Variants in MYO16 observed in about 807,000 individuals in gnomAD.
MYO16 encodes unconventional myosin-XVI.
Under a neutral mutation model 205.3 loss-of-function variants are expected in MYO16, and 94 were observed. The observed-to-expected ratio is 0.46, with a 90% CI of 0.39 to 0.54. MYO16 has a LOEUF of 0.54. MYO16 is among the 20% of genes least tolerant of loss of function. The pLI, the probability that MYO16 is intolerant of heterozygous loss-of-function variation, is 0.00. For synonymous variants in MYO16, 988 were observed against 954.0 expected (o/e 1.04, Z -0.66); for missense variants, 2,315 against 2,387.5 (o/e 0.97, Z 0.63).
intron 32 of MYO16, among the ~76,000 whole-genome samples, chr13:109,142,679 A>C (rs1490872990): frequency 6.6e-6 from 1 of 151,990 alleles, no homozygotes; most frequent in East Asian, 1.9e-4. Flanking sequence ...TTTTGCAACC[A>C]ATCAGATGTT....
At chr13:108,959,275 T>G (rs556716340) in intron 17 of MYO16, among the ~76,000 whole-genome samples, 1 of 152,368 alleles carries the variant, frequency 6.6e-6, no homozygotes, top group African/African-American at 2.4e-5. Context: ...CTGTTCTGTC[T>G]TTGCACTTGC....
At chr13:108,633,427 T>C (rs1880078545) in intron 1 of MYO16, among the ~76,000 whole-genome samples, 1 of 152,156 alleles carries the variant, frequency 6.6e-6, no homozygotes, top group Non-Finnish European at 1.5e-5. Flanking sequence ...GAGTCTGATG[T>C]TCAAGGGCAG....
chr13:108,529,068 A>G, the MYO16 span, among the ~76,000 whole-genome samples: 1 of 152,152 alleles, frequency 6.6e-6, no homozygotes, highest in Non-Finnish European at 1.5e-5. Flanking sequence ...TTCCTCCAGA[A>G]AGACTTTCTT....
intron 14 of MYO16, among the ~76,000 whole-genome samples, chr13:108,890,238 C>T (rs1481983077): frequency 1.3e-5 from 2 of 150,674 alleles, no homozygotes; most frequent in Non-Finnish European, 1.5e-5. Context: ...ACCACTGCAT[C>T]GTACTAAGTT....
chr13:108,747,960 AGT>A (rs1885118903), intron 4 of MYO16, among the ~76,000 whole-genome samples: 1 of 152,118 alleles, frequency 6.6e-6, no homozygotes, highest in South Asian at 2.1e-4. Flanking sequence ...ACAGGCAAAA[AGT>A]GAGTAAATGT....
chr13:109,039,445 G>A (rs1051622204), intron 23 of MYO16, among the ~76,000 whole-genome samples: 4 of 152,030 alleles, frequency 2.6e-5, no homozygotes, highest in Admixed American at 6.5e-5. Flanking sequence ...CTATCTGCTC[G>A]GCCGTAAAGC....
rs183299043 is a variant in MYO16 at position 108,933,486 on chromosome 13, C to T, written c.1925+23336C>T. On this transcript the variant is annotated intron_variant, in intron 16 of 34. Transcript: ENST00000457511. ...ATATTAGATATCGATAATGTAAGAT[C>T]GATTATTTGGATGTGTGTGTGTGTG... Among the ~76,000 whole-genome samples the T allele has an allele frequency of 1.3e-4, 20 of 150,666 alleles. No individual in the cohort carries two copies. The East Asian group carries it at 2.5e-3, about 19-fold the overall frequency.
intron 7 of MYO16, among the ~76,000 whole-genome samples, chr13:108,819,488 C>A (rs1875845130): frequency 6.6e-6 from 1 of 151,778 alleles, no homozygotes; most frequent in Non-Finnish European, 1.5e-5. Context: ...CGAAAAGTCA[C>A]GATAGTGGCC....
At chr13:108,959,415 G>A (rs541708860) in intron 17 of MYO16, among the ~76,000 whole-genome samples, 2 of 152,338 alleles carry the variant, frequency 1.3e-5, no homozygotes, top group East Asian at 1.9e-4. Flanking sequence ...CCTGGAAACA[G>A]GGCTTTGAAA....
At chr13:108,862,649 C>T (rs960305106) in intron 11 of MYO16, among the ~76,000 whole-genome samples, 1 of 152,112 alleles carries the variant, frequency 6.6e-6, no homozygotes, top group African/African-American at 2.4e-5. Context: ...TCAATCCTGA[C>T]AAATAGAAAG....
intron 23 of MYO16, among the ~76,000 whole-genome samples, chr13:109,024,286 G>A (rs1038946580): frequency 2.6e-5 from 4 of 151,692 alleles, no homozygotes; most frequent in Non-Finnish European, 5.9e-5. Flanking sequence ...AATGAGGTAT[G>A]ATGATTTCAG....
chr13:108,983,591 C>A (rs1320396190), intron 20 of MYO16, among the ~76,000 whole-genome samples: 1 of 152,110 alleles, frequency 6.6e-6, no homozygotes, highest in Non-Finnish European at 1.5e-5. Flanking sequence ...AACATTGGAG[C>A]CCAAAATGCT....
intron 1 of MYO16, among the ~76,000 whole-genome samples, chr13:108,661,695 C>T (rs544159027): frequency 5.9e-5 from 9 of 152,160 alleles, no homozygotes; most frequent in Admixed American, 3.9e-4. Context: ...TTTCTCATAT[C>T]AGTTTTTGGA....
In MYO16 at chr13:108,806,739, G is replaced by A; in HGVS notation, c.802G>A (p.Gly268Arg). Reference protein sequence around the residue: ...EVVSLILEHGGDLNIVDDQYW... With the variant: ...EVVSLILEHGRDLNIVDDQYW... ...GGTGTCTCTTATCCTGGAACATGGT[G>A]GAGACCTCAACATAGTAGATGATCA... The change falls in exon 7 of 35, where the codon GGA (glycine) becomes AGA (arginine). Residue 268 changes from glycine (G) to arginine (R), a missense_variant. Physicochemically the swap from Gly to Arg is moderately radical, Grantham distance 125. This residue lies in a region of MYO16 where 1,213 missense variants were observed against 1,274.4 expected (regional missense o/e 0.95). Coordinates refer to ENST00000457511, the MANE Select transcript of MYO16 (RefSeq NM_001198950.3). 1 of 1,613,010 alleles carries A rather than the reference G, an allele frequency of 6.2e-7. No homozygotes were observed. Among genetic ancestry groups the A allele is most frequent in the Non-Finnish European group, 8.5e-7 (1 of 1,179,112 alleles).
upstream of MYO16, among the ~76,000 whole-genome samples, chr13:108,592,282 G>A (rs1455546307): frequency 1.7e-5 from 2 of 118,788 alleles, no homozygotes; most frequent in East Asian, 2.6e-4. Context: ...TGTGTGGGGG[G>A]CTGTGTGTGG....
chr13:109,000,547 T>G (rs1448935547), intron 21 of MYO16, among the ~76,000 whole-genome samples: 1 of 152,216 alleles, frequency 6.6e-6, no homozygotes, highest in Non-Finnish European at 1.5e-5. Flanking sequence ...TCATTGGTTT[T>G]GGACTATATG....
intron 4 of MYO16, among the ~76,000 whole-genome samples, chr13:108,766,654 T>G (rs1022175196): frequency 6.6e-6 from 1 of 152,246 alleles, no homozygotes; most frequent in African/African-American, 2.4e-5. Flanking sequence ...CCCAACAAGA[T>G]GTGCGTCTGT....
chr13:108,594,347 C>T (rs1878481097), upstream of MYO16, among the ~76,000 whole-genome samples: 1 of 152,168 alleles, frequency 6.6e-6, no homozygotes, highest in South Asian at 2.1e-4. Flanking sequence ...TCCCTCATTG[C>T]AGCCATGGTA....
At chr13:108,549,333 C>T in the MYO16 span, among the ~76,000 whole-genome samples, 1 of 152,036 alleles carries the variant, frequency 6.6e-6, no homozygotes, top group Non-Finnish European at 1.5e-5. Flanking sequence ...AATGCAGGCA[C>T]ATCCAGAAGC....
Sources: gnomAD v4.1 joint callset for allele counts (sites outside exome capture counted in the v4.1 genomes callset) on GRCh38, gnomAD v4.1.1 for gene constraint, gnomAD v4.1.1 regional missense constraint, MANE v1.5 for transcripts, NCBI Gene and HGNC (gene_info 2026-07-23, HGNC 2026-07-21) for gene names.